The following LIN28B variants were observed in gnomAD, a reference collection of about 807,000 sequenced individuals.
LIN28B encodes lin-28 RNA binding posttranscriptional regulator B, also known as protein lin-28 homolog B.
A neutral mutation model predicts 21.9 loss-of-function variants in LIN28B; 5 were observed. The observed-to-expected ratio is 0.23, with a 90% CI of 0.12 to 0.48. The LOEUF is 0.48. Ranked by LOEUF, LIN28B falls within the 20% of genes least tolerant of loss-of-function variation. LIN28B has a pLI of 0.98. For missense variants in LIN28B, 245 were observed against 310.5 expected (o/e 0.79, Z 1.58); for synonymous variants, 109 against 111.3 (o/e 0.98, Z 0.13).
At chr6:104,954,861 A>G (rs1272598705), upstream of LIN28B, among the ~76,000 whole-genome samples, 2 of 152,198 alleles carry the variant, frequency 1.3e-5, no homozygotes, top group African/African-American at 2.4e-5. Flanking sequence ...AAATTTAACA[A>G]TAAACAGATT....
At chr6:105,055,816 G>A (rs200685605) in intron 3 of LIN28B, among the ~76,000 whole-genome samples, 9 of 151,962 alleles carry the variant, frequency 5.9e-5, no homozygotes, top group East Asian at 1.9e-4. Flanking sequence ...AGCCCAGGCC[G>A]GAGTGCAGTG....
chr6:105,012,709 G>A (rs1449070090), intron 2 of LIN28B, among the ~76,000 whole-genome samples: 1 of 152,058 alleles, frequency 6.6e-6, no homozygotes, highest in Non-Finnish European at 1.5e-5. Context: ...TTGTTTATCT[G>A]TTCTATCATT....
intron 3 of LIN28B, among the ~76,000 whole-genome samples, chr6:105,053,891 C>G (rs1771968557): frequency 6.6e-6 from 1 of 152,102 alleles, no homozygotes; most frequent in Non-Finnish European, 1.5e-5. Context: ...TTATGGGCAC[C>G]TGCCACCACG....
At chr6:104,969,376 T>G (rs1769927983) in intron 2 of LIN28B, among the ~76,000 whole-genome samples, 1 of 152,148 alleles carries the variant, frequency 6.6e-6, no homozygotes, top group South Asian at 2.1e-4. Context: ...GGGTCAGAAC[T>G]ATTCATTGCT....
intron 3 of LIN28B, among the ~76,000 whole-genome samples, chr6:105,060,942 G>T (rs780830695): frequency 2.0e-5 from 3 of 152,030 alleles, no homozygotes; most frequent in African/African-American, 4.8e-5. Context: ...AAAGGGAGTT[G>T]GTAGACAAAT....
chr6:105,018,897 G>A (rs979478285), intron 2 of LIN28B, among the ~76,000 whole-genome samples: 3 of 151,640 alleles, frequency 2.0e-5, no homozygotes, highest in Non-Finnish European at 2.9e-5. Context: ...AATAGATGGT[G>A]TATAAAATTT....
chr6:104,967,014 C>A (rs976249157), intron 2 of LIN28B, among the ~76,000 whole-genome samples: 38 of 152,134 alleles, frequency 2.5e-4, no homozygotes, highest in Non-Finnish European at 4.1e-4. Flanking sequence ...GATCCTCCCA[C>A]CTCAGCCTGC....
intron 2 of LIN28B, among the ~76,000 whole-genome samples, chr6:104,972,747 T>C (rs1176869319): frequency 2.6e-5 from 4 of 152,220 alleles, no homozygotes; most frequent in Non-Finnish European, 5.9e-5. Flanking sequence ...TCTGTTTCAG[T>C]ACATATTTTT....
At chr6:104,998,450 T>G (rs766098062) in intron 2 of LIN28B, among the ~76,000 whole-genome samples, 2 of 152,176 alleles carry the variant, frequency 1.3e-5, no homozygotes, top group African/African-American at 2.4e-5. Context: ...TAGTTTATTG[T>G]TAAAATATAG....
chr6:104,993,362 G>T (rs1386903453), intron 2 of LIN28B, among the ~76,000 whole-genome samples: 1 of 152,130 alleles, frequency 6.6e-6, no homozygotes, highest in Admixed American at 6.5e-5. Context: ...TGAGCTACTT[G>T]GGAGGCTGAG....
At chr6:105,000,686 A>T (rs1020773568) in intron 2 of LIN28B, among the ~76,000 whole-genome samples, 13 of 151,842 alleles carry the variant, frequency 8.6e-5, no homozygotes, top group South Asian at 2.1e-4. Flanking sequence ...TTATTAAATT[A>T]AAAAAATAGA....
chr6:105,030,159 G>C (rs1329109495), intron 3 of LIN28B, among the ~76,000 whole-genome samples: 1 of 152,138 alleles, frequency 6.6e-6, no homozygotes, highest in African/African-American at 2.4e-5. Flanking sequence ...TCCATGTGCT[G>C]CTTGTTTTTA....
intron 2 of LIN28B, among the ~76,000 whole-genome samples, chr6:104,975,067 A>C (rs1044168637): frequency 1.3e-5 from 2 of 152,090 alleles, no homozygotes; most frequent in Admixed American, 6.6e-5. Flanking sequence ...TGATCCGCCC[A>C]CTTCGGCCTC....
In LIN28B at chr6:104,961,690, G is replaced by A. The variant is rs1002403475; in HGVS notation, c.198+3404G>A. 3.9e-5 allele frequency among the ~76,000 whole-genome samples: 6 copies of A among 152,178 alleles called. No individual in the cohort carries two copies. In the East Asian group the frequency reaches 9.7e-4, roughly 24 times the overall value. Reference sequence around the variant, plus strand: ...GCTGGGATTACAGGCGTGAGCCACCGCGCCCGGCTTTAAGTCTAAATTTTT... The same window carrying A: ...GCTGGGATTACAGGCGTGAGCCACCACGCCCGGCTTTAAGTCTAAATTTTT... On this transcript the variant is annotated intron_variant, in intron 2 of 3. Coordinates refer to ENST00000345080, the MANE Select transcript of LIN28B (RefSeq NM_001004317.4).
intron 2 of LIN28B, among the ~76,000 whole-genome samples, chr6:105,000,187 T>C (rs967739903): frequency 6.6e-6 from 1 of 152,142 alleles, no homozygotes; most frequent in African/African-American, 2.4e-5. Context: ...ATGCATGTTA[T>C]CTTCCTAAAT....
intron 3 of LIN28B, among the ~76,000 whole-genome samples, chr6:105,041,885 C>T (rs7750532): frequency 0.28 from 42,834 of 151,896 alleles, 8,223 homozygotes; most frequent in African/African-American, 0.56. Flanking sequence ...ATCCCTTGGC[C>T]TGGCATGGGA....
At chr6:105,049,519 C>T (rs373312028) in intron 3 of LIN28B, among the ~76,000 whole-genome samples, 41 of 152,148 alleles carry the variant, frequency 2.7e-4, no homozygotes, top group African/African-American at 6.0e-4. Context: ...CTATTAGGTC[C>T]GCTTGGTCCA....
At chr6:104,951,071 A>G (rs765443447) in intron 3 of LIN28B, among the ~76,000 whole-genome samples, 1 of 152,172 alleles carries the variant, frequency 6.6e-6, no homozygotes, top group Non-Finnish European at 1.5e-5. Flanking sequence ...GACAAAGCTG[A>G]GTCATTTGAA....
intron 2 of LIN28B, among the ~76,000 whole-genome samples, chr6:104,994,136 C>G (rs896189803): frequency 1.3e-5 from 2 of 152,094 alleles, no homozygotes; most frequent in African/African-American, 2.4e-5. Flanking sequence ...TTCCAAGTAG[C>G]TGGGATTACA....
Sources: allele counts gnomAD v4.1 joint callset (sites outside exome capture counted in the v4.1 genomes callset), GRCh38; gene constraint gnomAD v4.1.1; transcripts MANE v1.5; gene names NCBI Gene and HGNC (gene_info 2026-07-23, HGNC 2026-07-21).